ERC1: variants seen among roughly 807,000 people sequenced by gnomAD.
The protein encoded by ERC1 is ELKS/RAB6-interacting/CAST family member 1.
ERC1 carries 56 observed loss-of-function variants against 132.0 expected under a neutral mutation model. The observed-to-expected ratio is 0.42, with a 90% CI of 0.34 to 0.53. The LOEUF (loss-of-function observed/expected upper bound fraction) is 0.53, where lower values mean the gene tolerates loss of function less well. Among genes scored for constraint, ERC1 ranks in the 20% least tolerant of loss-of-function variants. The probability of loss-of-function intolerance (pLI) is 0.03; values close to 1 mark genes in which losing one functional copy is unlikely to be tolerated. For missense variants in ERC1, 1,202 were observed against 1,349.9 expected (o/e 0.89, Z 1.72); for synonymous variants, 478 against 476.1 (o/e 1.00, Z -0.05).
At chr12:1,039,897 A>G (rs1225637371) in intron 2 of ERC1, among the ~76,000 whole-genome samples, 2 of 152,178 alleles carry the variant, frequency 1.3e-5, no homozygotes, top group African/African-American at 4.8e-5. Context: ...ATACAGTTTT[A>G]TATATATGTT....
Position 1,289,930 on chromosome 12 carries a change from C to A in ERC1, c.2698C>A (p.Gln900Lys). Residue 900 changes from glutamine to lysine, a missense_variant, in exon 15 of 19, where the codon CAG becomes AAG. Transcript: ENST00000360905. The stretch of plus-strand genomic sequence containing the variant: ...GAAAGCAAAGCTGTCCTCCACCCAG[C>A]AGTCTCTGGCAGAAAAGGAAACTCA... The part of the protein sequence containing the change: ...SMKAKLSSTQ[Q>K]SLAEKETHLT... The A allele has an allele frequency of 6.2e-7, 1 of 1,613,818 alleles. No homozygotes were observed. The highest frequency in any genetic ancestry group is 1.1e-5 in the South Asian group (1 of 91,078).
At position 1,450,959 on chromosome 12, in the gene ERC1, G is replaced by C. The variant is rs77544462; in HGVS notation, c.3213+6209G>C. ...ATTGGCCATTTCTGTTTTTTCTTTGGAGAAATATCTATTCAAGTTCTCAGC... is the reference window on the plus strand; with the variant it reads ...ATTGGCCATTTCTGTTTTTTCTTTGCAGAAATATCTATTCAAGTTCTCAGC... On this transcript the variant is annotated intron_variant, in intron 18 of 18. Coordinates refer to ENST00000360905, the MANE Select transcript of ERC1 (RefSeq NM_178040.4). 2.6e-3 allele frequency among the ~76,000 whole-genome samples: 393 copies of C among 152,196 alleles called. 13 individuals carry two copies. The East Asian group carries it at 0.064, about 25-fold the overall frequency.
intron 17 of ERC1, among the ~76,000 whole-genome samples, chr12:1,427,483 A>G (rs1487754784): frequency 6.6e-6 from 1 of 152,238 alleles, no homozygotes. Context: ...ATTGTGATAC[A>G]TGACAGTAGT....
At chr12:1,205,781 T>A (rs2154287709) in intron 12 of ERC1, among the ~76,000 whole-genome samples, 1 of 152,204 alleles carries the variant, frequency 6.6e-6, no homozygotes, top group East Asian at 1.9e-4. Context: ...TTTCATGAAG[T>A]GTTTTGCCTT....
chr12:1,216,697 G>A (rs1958460852), intron 12 of ERC1, among the ~76,000 whole-genome samples: 1 of 152,006 alleles, frequency 6.6e-6, no homozygotes, highest in African/African-American at 2.4e-5. Context: ...CAAGTTAATA[G>A]GAAATAAAAG....
intron 15 of ERC1, among the ~76,000 whole-genome samples, chr12:1,365,708 G>C (rs1394571785): frequency 6.6e-6 from 1 of 152,186 alleles, no homozygotes; most frequent in East Asian, 1.9e-4. Context: ...TGCAGAACAT[G>C]AACAATACTT....
intron 8 of ERC1, among the ~76,000 whole-genome samples, chr12:1,157,746 A>G (rs1951535893): frequency 6.6e-6 from 1 of 152,226 alleles, no homozygotes; most frequent in Admixed American, 6.5e-5. Context: ...AAGGGTTTCA[A>G]AGAGGAGAGG....
chr12:1,468,831 C>T (rs557197520), intron 18 of ERC1, among the ~76,000 whole-genome samples: 1 of 152,262 alleles, frequency 6.6e-6, no homozygotes, highest in Non-Finnish European at 1.5e-5. Context: ...GACAGAGAGG[C>T]TCAAGATGGT....
At chr12:1,391,865 C>T (rs1443158603) in intron 16 of ERC1, among the ~76,000 whole-genome samples, 1 of 152,172 alleles carries the variant, frequency 6.6e-6, no homozygotes, top group Non-Finnish European at 1.5e-5. Flanking sequence ...TGGTTGTTGG[C>T]TTCTTCAGCT....
chr12:1,106,539 A>T (rs1022983694), intron 4 of ERC1, among the ~76,000 whole-genome samples: 4 of 152,114 alleles, frequency 2.6e-5, no homozygotes, highest in Non-Finnish European at 4.4e-5. Context: ...TTTATATCGT[A>T]TACATCTTTA....
rs1255758100 is a variant in ERC1 at position 1,007,538 on chromosome 12, C to CTGTGTG, written c.-157+16217_-157+16218insGTGTGT. On this transcript the variant is annotated intron_variant, in intron 1 of 18. Coordinates refer to ENST00000360905, the MANE Select transcript of ERC1 (RefSeq NM_178040.4). ...TAATTCTCTCTCTCTCTCTCTCTCT[C>CTGTGTG]TCTGTGTGTGTGTGTGTGTGTGTGT... Among the ~76,000 whole-genome samples, 522 of 53,328 alleles carry CTGTGTG rather than the reference C, an allele frequency of 9.8e-3. 4 individuals carry two copies. The highest frequency in any genetic ancestry group is 0.036 in the African/African-American group (483 of 13,344). 35.0% of individuals were successfully genotyped at this position (53,328 alleles called of 152,430 possible). A position where few individuals can be genotyped will look rare whatever the true frequency, so the allele number is the denominator to read the frequency against.
chr12:1,003,084 C>G (rs1286425699), intron 1 of ERC1, among the ~76,000 whole-genome samples: 3 of 77,788 alleles, frequency 3.9e-5, no homozygotes, highest in African/African-American at 1.4e-4. Flanking sequence ...AACCCTATCT[C>G]TATGAAAAAT....
chr12:1,441,544 T>A (rs1306057773), intron 17 of ERC1, among the ~76,000 whole-genome samples: 1 of 152,218 alleles, frequency 6.6e-6, no homozygotes, highest in Non-Finnish European at 1.5e-5. Flanking sequence ...CTGCCAGTTT[T>A]GTCAGTCAAA....
At chr12:1,234,927 G>A (rs913399325) in intron 12 of ERC1, among the ~76,000 whole-genome samples, 13 of 152,086 alleles carry the variant, frequency 8.5e-5, no homozygotes, top group African/African-American at 2.9e-4. Context: ...ATGCAACCTC[G>A]GTTTCAGATG....
intron 14 of ERC1, among the ~76,000 whole-genome samples, chr12:1,281,189 C>G (rs552433065): frequency 7.4e-4 from 112 of 151,978 alleles, no homozygotes; most frequent in Non-Finnish European, 1.4e-3. Context: ...TGCTGTTTTC[C>G]GAATAAAATG....
chr12:1,076,151 T>A (rs1374676840), intron 2 of ERC1, among the ~76,000 whole-genome samples: 1 of 152,214 alleles, frequency 6.6e-6, no homozygotes, highest in Non-Finnish European at 1.5e-5. Flanking sequence ...TACCCATTTG[T>A]GAGCTTTATT....
At chr12:1,327,868 C>T (rs2082567894) in intron 15 of ERC1, among the ~76,000 whole-genome samples, 1 of 151,884 alleles carries the variant, frequency 6.6e-6, no homozygotes, top group Non-Finnish European at 1.5e-5. Context: ...ATATGCTCCT[C>T]AGTATCTTCA....
At chr12:1,440,602 G>T (rs73028378) in intron 17 of ERC1, among the ~76,000 whole-genome samples, 1,457 of 3,858 alleles carry the variant, frequency 0.38, 232 homozygotes, top group African/African-American at 0.57. Flanking sequence ...TCAGCCTTTT[G>T]TGTGTGTGTG....
intron 17 of ERC1, among the ~76,000 whole-genome samples, chr12:1,418,715 TTTCTTTC>T (rs1228178066): frequency 2.1e-5 from 3 of 139,936 alleles, no homozygotes; most frequent in East Asian, 4.0e-4. Flanking sequence ...TCTTTCTTTC[TTTCTTTC>T]TTTTTGGAGA....
Sources: allele counts gnomAD v4.1 joint callset (sites outside exome capture counted in the v4.1 genomes callset), GRCh38; gene constraint gnomAD v4.1.1; transcripts MANE v1.5; gene names NCBI Gene and HGNC (gene_info 2026-07-23, HGNC 2026-07-21).